ADAM12: variants seen among roughly 807,000 people sequenced by gnomAD.
ADAM12 encodes the protein disintegrin and metalloproteinase domain-containing protein 12.
A neutral mutation model predicts 106.4 loss-of-function variants in ADAM12; 70 were observed. That is an observed-to-expected ratio of 0.66 (90% confidence interval 0.54 to 0.80). ADAM12 has a LOEUF of 0.80. Ranked by LOEUF, ADAM12 falls within the 30% of genes least tolerant of loss-of-function variation. The pLI is 0.00. For synonymous variants in ADAM12, 420 were observed against 433.5 expected (o/e 0.97, Z 0.39); for missense variants, 1,010 against 1,171.9 (o/e 0.86, Z 2.02).
At position 126,249,161 on chromosome 10, in the gene ADAM12, C is replaced by A. The variant is rs530944836; in HGVS notation, c.260+29754G>T. On this transcript the variant is annotated intron_variant, in intron 3 of 22. Transcript: ENST00000448723. ...TCTCCTAAGTCTTGCCTCCTCTAGG[C>A]TAAAATGTTCTCATCCTCTCTTTCT... 2.0e-4 allele frequency among the ~76,000 whole-genome samples: 31 copies of A among 152,256 alleles called. 1 individual carries two copies. The highest frequency in any genetic ancestry group is 1.2e-3 in the South Asian group (6 of 4,822).
At chr10:126,200,667 G>T (rs965881505) in intron 3 of ADAM12, among the ~76,000 whole-genome samples, 1 of 152,150 alleles carries the variant, frequency 6.6e-6, no homozygotes, top group Non-Finnish European at 1.5e-5. Context: ...CTCCAGGAAC[G>T]TTAGCTATTT....
chr10:126,300,515 A>C (rs1269123041), intron 2 of ADAM12, among the ~76,000 whole-genome samples: 2 of 152,220 alleles, frequency 1.3e-5, no homozygotes, highest in African/African-American at 4.8e-5. Flanking sequence ...GAAAAATTAT[A>C]TCTATACAGC....
At chr10:126,214,827 G>A (rs1957958953) in intron 3 of ADAM12, among the ~76,000 whole-genome samples, 1 of 152,192 alleles carries the variant, frequency 6.6e-6, no homozygotes, top group Non-Finnish European at 1.5e-5. Context: ...GCAGCTTTCT[G>A]GAATGGGACC....
At chr10:126,187,326 T>TAA (rs10638442) in intron 3 of ADAM12, among the ~76,000 whole-genome samples, 43 of 148,578 alleles carry the variant, frequency 2.9e-4, no homozygotes, top group African/African-American at 9.3e-4. Context: ...GGAAATGAAA[T>TAA]AAAAAAAAAA....
intron 3 of ADAM12, among the ~76,000 whole-genome samples, chr10:126,256,692 A>C (rs10794073): frequency 0.86 from 130,542 of 152,122 alleles, 56,394 homozygotes; most frequent in Non-Finnish European, 0.92. Context: ...TATACCAACT[A>C]AAAAGCAGAG....
rs1954558207 is a variant in ADAM12, at chr10:126,053,553, A to G, written c.1610-3884T>C. Among the ~76,000 whole-genome samples the G allele has an allele frequency of 6.6e-6, 1 of 152,182 alleles. No individual in the cohort carries two copies. Among genetic ancestry groups the G allele is most frequent in the South Asian group, 2.1e-4 (1 of 4,828 alleles). On this transcript the variant is annotated intron_variant, in intron 14 of 22. Coordinates refer to ENST00000448723, the MANE Select transcript of ADAM12 (RefSeq NM_001288973.2). This position sits in a 1 kb window ranked among gnomAD's most constrained non-coding sequence, Gnocchi z 4.6. ...AATATGTGAATTTTTACCAACACAG[A>G]TGACACAGTCAAGCATCATCTTATA...
intron 3 of ADAM12, among the ~76,000 whole-genome samples, chr10:126,177,042 G>GCACA (rs150341109): frequency 0.38 from 57,412 of 150,670 alleles, 11,167 homozygotes; most frequent in Middle Eastern, 0.49. Context: ...GTGCACATGT[G>GCACA]CACACACACA....
chr10:126,026,014 A>T (rs898368942), intron 21 of ADAM12, among the ~76,000 whole-genome samples: 1 of 152,180 alleles, frequency 6.6e-6, no homozygotes, highest in Non-Finnish European at 1.5e-5. Context: ...AACATTCTTT[A>T]AAGATTTTCC....
At chr10:126,039,110 C>T (rs372237700) in intron 19 of ADAM12, among the ~76,000 whole-genome samples, 184 bp downstream of exon 19, 16 of 151,912 alleles carry the variant, frequency 1.1e-4, no homozygotes, top group African/African-American at 3.1e-4. Flanking sequence ...CAGGCACCCA[C>T]CACCGCGCCC....
intron 3 of ADAM12, among the ~76,000 whole-genome samples, chr10:126,208,291 G>A (rs1267583449): frequency 1.3e-5 from 2 of 152,168 alleles, no homozygotes; most frequent in African/African-American, 4.8e-5. Context: ...AGCAGACTGT[G>A]GGCAGACGAC....
chr10:126,070,593 G>A (rs1372915554), intron 12 of ADAM12: 1 of 152,224 alleles, frequency 6.6e-6, no homozygotes, highest in African/African-American at 2.4e-5. Flanking sequence ...CCTTGGAGAT[G>A]CTCTTCCTAA....
chr10:126,217,587 G>A (rs1012062520), intron 3 of ADAM12, among the ~76,000 whole-genome samples: 25 of 151,372 alleles, frequency 1.7e-4, no homozygotes, highest in African/African-American at 4.1e-4. Context: ...GGCTGGTCTC[G>A]AACTCCTGAC....
rs114417233 is a variant in ADAM12 at position 126,210,020 on chromosome 10, G to A, written c.261-54715C>T. Among the ~76,000 whole-genome samples the A allele has an allele frequency of 2.1e-3, 316 of 152,238 alleles. 1 individual carries two copies. The highest frequency in any genetic ancestry group is 7.3e-3 in the African/African-American group (302 of 41,526). On this transcript the variant is annotated intron_variant, in intron 3 of 22. Transcript: ENST00000448723. ...ACATAACTACATCTCGGGATCCTCC[G>A]GGTACTACGTTAACTCTCAGGCTTG... is the stretch of plus-strand genomic sequence containing the variant.
chr10:126,287,281 C>A (rs1033629831), intron 2 of ADAM12, among the ~76,000 whole-genome samples: 1 of 152,112 alleles, frequency 6.6e-6, no homozygotes, highest in African/African-American at 2.4e-5. Flanking sequence ...CTGAAGCAGA[C>A]GACATTACTC....
At chr10:126,169,170 C>A (rs1265751704) in intron 3 of ADAM12, among the ~76,000 whole-genome samples, 2 of 152,188 alleles carry the variant, frequency 1.3e-5, no homozygotes, top group African/African-American at 4.8e-5. Context: ...CCCAAGTCCA[C>A]CACCCTTCTT....
At chr10:126,121,131 C>CTATATATAGTATA (rs1554971961) in intron 5 of ADAM12, among the ~76,000 whole-genome samples, 2 of 81,372 alleles carry the variant, frequency 2.5e-5, no homozygotes, top group Non-Finnish European at 4.2e-5. Flanking sequence ...AGTATATATA[C>CTATATATAGTATA]TATATACTAT....
intron 3 of ADAM12, among the ~76,000 whole-genome samples, chr10:126,261,050 T>G (rs1958991443): frequency 6.6e-6 from 1 of 152,208 alleles, no homozygotes; most frequent in African/African-American, 2.4e-5. Flanking sequence ...TACATTGTAT[T>G]AGGTATTATA....
chr10:126,039,567 T>TA (rs1230205157), intron 18 of ADAM12, 138 bp from the exon 19 acceptor site: 6 of 997,402 alleles, frequency 6.0e-6, no homozygotes, highest in Non-Finnish European at 7.4e-6. Flanking sequence ...GATGTACTAA[T>TA]AAACTGTCTT....
chr10:126,073,671 A>G (rs1467914622), intron 11 of ADAM12, among the ~76,000 whole-genome samples: 1 of 152,196 alleles, frequency 6.6e-6, no homozygotes, highest in Non-Finnish European at 1.5e-5. Context: ...AGTGGTTTCT[A>G]TCAACCTCGG....
Sources: allele counts gnomAD v4.1 joint callset (sites outside exome capture counted in the v4.1 genomes callset), GRCh38; gene constraint gnomAD v4.1.1; non-coding constraint Gnocchi (gnomAD v3.1); transcripts MANE v1.5; gene names NCBI Gene and HGNC (gene_info 2026-07-23, HGNC 2026-07-21).